SLC35F5: variants seen among roughly 807,000 people sequenced by gnomAD.
SLC35F5 encodes solute carrier family 35 member F5, also known as HCV NS5A-transactivated protein 3.
SLC35F5 carries 54 observed loss-of-function variants against 68.6 expected under a neutral mutation model. The observed-to-expected ratio is 0.79, with a 90% CI of 0.63 to 0.99. SLC35F5 has a LOEUF of 0.99. SLC35F5 is among the 50% of genes least tolerant of loss of function. SLC35F5 has a pLI of 0.00. For missense variants in SLC35F5, 567 were observed against 626.9 expected (o/e 0.90, Z 1.02); for synonymous variants, 211 against 205.2 (o/e 1.03, Z -0.24).
In SLC35F5 at chr2:113,725,439, ATAC is replaced by A. The variant is rs1376258512; in HGVS notation, c.1186_1188del (p.Val396del). On this transcript the variant is annotated inframe_deletion, in exon 12 of 16. Coordinates refer to ENST00000245680, the MANE Select transcript of SLC35F5 (RefSeq NM_025181.5). ...AGGCCATTAATGATAATGCACATTA[ATAC>A]TACTTTATTGGGAAACTCGAAGTCC... The A allele has an allele frequency of 1.9e-6, 3 of 1,611,580 alleles. No homozygotes were observed. Among genetic ancestry groups the A allele is most frequent in the Non-Finnish European group, 2.5e-6 (3 of 1,179,150 alleles).
chr2:113,738,982 T>C (rs1352952808), intron 7 of SLC35F5, among the ~76,000 whole-genome samples: 3 of 152,350 alleles, frequency 2.0e-5, no homozygotes, highest in Non-Finnish European at 4.4e-5. Flanking sequence ...TGTTTCCTTT[T>C]CCTTTTTTAA....
In SLC35F5 at chr2:113,711,444, G is replaced by T. The variant is rs866677089; in HGVS notation, c.*3774C>A. On this transcript the variant is annotated 3_prime_UTR_variant, in exon 16 of 16. Coordinates refer to ENST00000245680, the MANE Select transcript of SLC35F5 (RefSeq NM_025181.5). ...CTTAAGATTTAAAGAAAAATTTCCT[G>T]TGCACATACAATGTACCTATGAAAT... is the stretch of plus-strand genomic sequence containing the variant. Among the ~76,000 whole-genome samples, 6 of 152,122 alleles carry T rather than the reference G, an allele frequency of 3.9e-5. No homozygotes were observed. The highest frequency in any genetic ancestry group is 3.4e-3 in the Middle Eastern group (1 of 294).
At position 113,746,353 on chromosome 2, in the gene SLC35F5, A is replaced by C. The variant is rs373797586; in HGVS notation, c.418-14T>G. Reference sequence around the variant, plus strand: ...AGCATCTGCAAACTAAATACAGATAACAAGATACAAAATTCAATGAAACTT... The same window carrying C: ...AGCATCTGCAAACTAAATACAGATACCAAGATACAAAATTCAATGAAACTT... On this transcript the variant is annotated splice_polypyrimidine_tract_variant and intron_variant, in intron 4 of 15. Transcript: ENST00000245680. The C allele has an allele frequency of 1.7e-5, 28 of 1,604,548 alleles. No homozygotes were observed. Among genetic ancestry groups the C allele is most frequent in the Non-Finnish European group, 2.3e-5 (27 of 1,172,338 alleles).
chr2:113,736,437 T>C (rs1688098593), intron 7 of SLC35F5, among the ~76,000 whole-genome samples: 1 of 148,738 alleles, frequency 6.7e-6, no homozygotes, highest in African/African-American at 2.5e-5. Context: ...AGAGAGACCA[T>C]TTCTCAAAAA....
chr2:113,729,381 C>G lies in SLC35F5; in HGVS notation c.1090+20G>C. 1 of 1,278,304 alleles carries G rather than the reference C, an allele frequency of 7.8e-7. No homozygotes were observed. Among genetic ancestry groups the G allele is most frequent in the African/African-American group, 1.5e-5 (1 of 65,562 alleles). The allele number at this position is 1,278,304 out of a possible 1,614,324, so 79.2% of individuals were successfully genotyped here. A position where few individuals can be genotyped will look rare whatever the true frequency, so the allele number is the denominator to read the frequency against. On this transcript the variant is annotated intron_variant, in intron 11 of 15. Coordinates refer to ENST00000245680, the MANE Select transcript of SLC35F5 (RefSeq NM_025181.5). ...TAATCATTTAGAGTAAATAGCCTCC[C>G]AAGTTACATATATTCTTACCAAAGA...
At chr2:113,744,430 T>C (rs940928555) in intron 5 of SLC35F5, among the ~76,000 whole-genome samples, 104 of 152,296 alleles carry the variant, frequency 6.8e-4, no homozygotes, top group African/African-American at 2.5e-3. Flanking sequence ...TAAACATATA[T>C]TTCTCATTAG....
At chr2:113,728,840 A>C (rs565217308) in intron 11 of SLC35F5, among the ~76,000 whole-genome samples, 2 of 152,340 alleles carry the variant, frequency 1.3e-5, no homozygotes, top group African/African-American at 4.8e-5. Context: ...TGTCAGGCAA[A>C]GGAAAATTTA....
downstream of SLC35F5, among the ~76,000 whole-genome samples, chr2:113,702,990 G>T (rs1686726360): frequency 6.6e-6 from 1 of 151,978 alleles, no homozygotes; most frequent in Non-Finnish European, 1.5e-5. Context: ...TGCACCTGTA[G>T]TCCCAGCAAC....
At chr2:113,730,214 C>A (rs956056616) in intron 10 of SLC35F5, among the ~76,000 whole-genome samples, 3 of 152,158 alleles carry the variant, frequency 2.0e-5, no homozygotes, top group Non-Finnish European at 2.9e-5. Flanking sequence ...TAATACAGAT[C>A]TCACAGTACA....
At position 113,747,961 on chromosome 2, in the gene SLC35F5, G is replaced by A. The variant is rs575209801; in HGVS notation, c.418-1622C>T. Among the ~76,000 whole-genome samples, 324 of 152,026 alleles carry A rather than the reference G, an allele frequency of 2.1e-3. 2 individuals carry two copies. Among genetic ancestry groups the A allele is most frequent in the African/African-American group, 7.2e-3 (300 of 41,476 alleles). Reference sequence around the variant, plus strand: ...ACAAAAATTAGCCGGGCATGGTGGCGGGCACCTGTAATCCCAGCTACTTAG... The same window carrying A: ...ACAAAAATTAGCCGGGCATGGTGGCAGGCACCTGTAATCCCAGCTACTTAG... On this transcript the variant is annotated intron_variant, in intron 4 of 15. Coordinates refer to ENST00000245680, the MANE Select transcript of SLC35F5 (RefSeq NM_025181.5).
At position 113,731,692 on chromosome 2, in the gene SLC35F5, A is replaced by AGATAAAAATTATTT. The variant is rs762523123; in HGVS notation, c.921-45_921-44insAAATAATTTTTATC. On this transcript the variant is annotated intron_variant, in intron 9 of 15. Transcript: ENST00000245680. ...TTAATGATGAGCTAAAGAATTCTGA[A>AGATAAAAATTATTT]AAGCCTAATCATGAAGATAAAAATT... The AGATAAAAATTATTT allele has an allele frequency of 9.6e-6, 14 of 1,454,668 alleles. No individual in the cohort carries two copies. In the African/African-American group the frequency reaches 1.4e-4, roughly 14 times the overall value. The allele number at this position is 1,454,668 out of a possible 1,614,324, so 90.1% of individuals were successfully genotyped here.
In SLC35F5 at chr2:113,713,207, G is replaced by GTT. The variant is rs1687054176; in HGVS notation, c.*2009_*2010dup. 1 of 152,210 alleles carries GTT rather than the reference G, an allele frequency of 6.6e-6. No homozygotes were observed. Among genetic ancestry groups the GTT allele is most frequent in the South Asian group, 2.1e-4 (1 of 4,834 alleles). 9.4% of individuals were successfully genotyped at this position (152,210 alleles called of 1,614,324 possible). On this transcript the variant is annotated 3_prime_UTR_variant, in exon 16 of 16. Coordinates refer to ENST00000245680, the MANE Select transcript of SLC35F5 (RefSeq NM_025181.5). ...AACAGTGGTGCTTCCTTCTGAAGAA[G>GTT]TTGTTCATTGATTTTTGTTTTTTAA...
chr2:113,743,825 C>A, intron 5 of SLC35F5, 31 bp from the exon 6 acceptor site: 1 of 1,535,274 alleles, frequency 6.5e-7, no homozygotes, highest in Non-Finnish European at 8.9e-7. Flanking sequence ...ATATAAACAA[C>A]AAATATAAAA....
chr2:113,704,667 C>T (rs532440185), downstream of SLC35F5, among the ~76,000 whole-genome samples: 3 of 152,108 alleles, frequency 2.0e-5, no homozygotes, highest in East Asian at 5.8e-4. Context: ...CCCTCATTGC[C>T]CGGGGCCGGC....
chr2:113,756,446 A>ACGGCCG lies in SLC35F5; in HGVS notation c.-43_-38dup. 4 of 1,539,464 alleles carry ACGGCCG rather than the reference A, an allele frequency of 2.6e-6. No individual in the cohort carries two copies. The highest frequency in any genetic ancestry group is 3.5e-6 in the Non-Finnish European group (4 of 1,145,262). ...TCAGGCCCCGCAGCCGCCCAGCGCC[A>ACGGCCG]CGGCCGCGGCCTCGGACTCACAGAG... is the stretch of plus-strand genomic sequence containing the variant. On this transcript the variant is annotated 5_prime_UTR_variant, in exon 1 of 16. Transcript: ENST00000245680.
intron 7 of SLC35F5, among the ~76,000 whole-genome samples, chr2:113,740,689 C>G (rs1046028778): frequency 1.3e-5 from 2 of 151,998 alleles, no homozygotes; most frequent in African/African-American, 2.4e-5. Context: ...TACGGTGGCG[C>G]CGTATCGGCT....
intron 5 of SLC35F5, among the ~76,000 whole-genome samples, chr2:113,744,546 G>T (rs1480013728): frequency 2.6e-5 from 4 of 152,214 alleles, no homozygotes; most frequent in East Asian, 3.9e-4. Context: ...GAGGTCGGGA[G>T]TTCGAGACCA....
intron 11 of SLC35F5, among the ~76,000 whole-genome samples, chr2:113,727,564 T>G (rs1483062156): frequency 2.0e-5 from 3 of 152,130 alleles, no homozygotes; most frequent in Non-Finnish European, 4.4e-5. Context: ...ACCCCACCTA[T>G]TCCCTCGACT....
At position 113,708,961 on chromosome 2, in the gene SLC35F5, C is replaced by T. The variant is rs1388820348; in HGVS notation, c.*6257G>A. ...TCTGATATATTTGGCCTCCATAAAACTGCCATGGATTCCAACTGTACTCAA... is the reference window on the plus strand; with the variant it reads ...TCTGATATATTTGGCCTCCATAAAATTGCCATGGATTCCAACTGTACTCAA... On this transcript the variant is annotated 3_prime_UTR_variant, in exon 16 of 16. Transcript: ENST00000245680. Among the ~76,000 whole-genome samples the T allele has an allele frequency of 6.6e-6, 1 of 152,240 alleles. No individual in the cohort carries two copies. Among genetic ancestry groups the T allele is most frequent in the Non-Finnish European group, 1.5e-5 (1 of 68,044 alleles).
Sources: gnomAD v4.1 joint callset for allele counts (sites outside exome capture counted in the v4.1 genomes callset) on GRCh38, gnomAD v4.1.1 for gene constraint, MANE v1.5 for transcripts, NCBI Gene and HGNC (gene_info 2026-07-23, HGNC 2026-07-21) for gene names.